Variants in AGO1 observed in about 807,000 individuals in gnomAD.
AGO1 encodes argonaute RISC component 1.
AGO1 carries 11 observed loss-of-function variants against 109.2 expected under a neutral mutation model. The observed-to-expected ratio is 0.10, with a 90% CI of 0.06 to 0.17. The LOEUF (loss-of-function observed/expected upper bound fraction) is 0.17, where lower values mean the gene tolerates loss of function less well. AGO1 is among the 10% of genes least tolerant of loss of function. The probability of loss-of-function intolerance (pLI) is 1.00; values close to 1 mark genes in which losing one functional copy is unlikely to be tolerated. For synonymous variants in AGO1, 422 were observed against 418.6 expected (o/e 1.01, Z -0.10); for missense variants, 574 against 1,140.3 (o/e 0.50, Z 7.15).
Position 35,893,385 on chromosome 1 carries a change from A to AT in AGO1, c.512+109dup. On this transcript the variant is annotated intron_variant, in intron 4 of 18. Transcript: ENST00000373204. The surrounding 1 kb of genome is among the most constrained non-coding windows in gnomAD (Gnocchi z 5.6). ...CCACAGAGTGCCATTAAAAAAAAAA[A>AT]TTATTTGAAGCCCTACCACTTGCCA... The AT allele has an allele frequency of 8.0e-7, 1 of 1,244,728 alleles. No individual in the cohort carries two copies. The highest frequency in any genetic ancestry group is 1.1e-6 in the Non-Finnish European group (1 of 904,326). 77.1% of individuals were successfully genotyped at this position (1,244,728 alleles called of 1,614,324 possible).
intron 1 of AGO1, among the ~76,000 whole-genome samples, chr1:35,885,151 A>G (rs1645100487): frequency 6.6e-6 from 1 of 152,122 alleles, no homozygotes; most frequent in African/African-American, 2.4e-5. Flanking sequence ...TGACTTGAGT[A>G]CTTCCTCTCT....
rs1221657797 is a variant in AGO1, at chr1:35,901,219, C to T, written c.1021-255C>T. ...CTCCTGACCTCAAGTGATCTGGCCG[C>T]CTTGGCCTCCTAAGGTGCTGGGATT... On this transcript the variant is annotated intron_variant, in intron 8 of 18. Transcript: ENST00000373204. The surrounding 1 kb of genome is among the most constrained non-coding windows in gnomAD (Gnocchi z 4.8). Among the ~76,000 whole-genome samples, 1 of 152,162 alleles carries T rather than the reference C, an allele frequency of 6.6e-6. No individual in the cohort carries two copies. Among genetic ancestry groups the T allele is most frequent in the African/African-American group, 2.4e-5 (1 of 41,456 alleles).
At chr1:35,877,373 G>GCTTA (rs1645000990) in intron 1 of AGO1, among the ~76,000 whole-genome samples, 3 of 152,120 alleles carry the variant, frequency 2.0e-5, no homozygotes, top group Admixed American at 1.3e-4. Flanking sequence ...TGTTAATGCT[G>GCTTA]CTTAGTACAC....
At position 35,915,337 on chromosome 1, in the gene AGO1, C is replaced by CT. The variant is rs1444264006; in HGVS notation, c.1834-10dup. 6.2e-7 allele frequency: 1 copy of CT among 1,609,176 alleles called. No individual in the cohort carries two copies. Among genetic ancestry groups the CT allele is most frequent in the Non-Finnish European group, 8.5e-7 (1 of 1,175,778 alleles). On this transcript the variant is annotated splice_polypyrimidine_tract_variant and intron_variant, in intron 14 of 18. Transcript: ENST00000373204. ...GGTTCTAGGAGCTAATCCTTTCTCT[C>CT]TGACTGTCAGGTGGTAGGCAGTATG...
chr1:35,918,028 C>G (rs909332143), intron 16 of AGO1, among the ~76,000 whole-genome samples: 1 of 152,212 alleles, frequency 6.6e-6, no homozygotes, highest in Non-Finnish European at 1.5e-5. Context: ...CTCCTATGTG[C>G]CAGATACTGT....
chr1:35,881,260 C>T (rs1006749341), upstream of AGO1, among the ~76,000 whole-genome samples: 10 of 152,140 alleles, frequency 6.6e-5, no homozygotes, highest in African/African-American at 2.4e-4. Context: ...TGGGTCCCAC[C>T]CAACACCTAC....
At chr1:35,876,742 T>C (rs1393853395) in intron 1 of AGO1, among the ~76,000 whole-genome samples, 1 of 152,238 alleles carries the variant, frequency 6.6e-6, no homozygotes, top group African/African-American at 2.4e-5. Context: ...AGGGAAGTTC[T>C]ACTGTGGGTA....
At chr1:35,918,451 A>G (rs756386940) in intron 17 of AGO1, 28 bp downstream of exon 17, 32 of 1,550,458 alleles carry the variant, frequency 2.1e-5, no homozygotes, top group Middle Eastern at 1.7e-4. Flanking sequence ...TGTGGTTCCA[A>G]TGGGTCAAAG....
At chr1:35,883,191 C>T (rs1361543686), upstream of AGO1, 1 of 1,167,846 alleles carries the variant, frequency 8.6e-7, no homozygotes, top group East Asian at 4.2e-5. The surrounding 1 kb of genome is among the most constrained non-coding windows in gnomAD (Gnocchi z 5.4). Context: ...CCCCTGGGCC[C>T]GGCGGTCGCG....
chr1:35,874,456 C>A (rs1644977760), intron 1 of AGO1, among the ~76,000 whole-genome samples: 1 of 152,230 alleles, frequency 6.6e-6, no homozygotes, highest in Non-Finnish European at 1.5e-5. Context: ...GGATTATGGG[C>A]ATGAGCCAAC....
chr1:35,910,080 A>G (rs1645605685), intron 12 of AGO1, among the ~76,000 whole-genome samples: 1 of 149,660 alleles, frequency 6.7e-6, no homozygotes, highest in Non-Finnish European at 1.5e-5. Flanking sequence ...TTCCTTGATT[A>G]TACCACCTGG....
chr1:35,885,850 G>T lies in AGO1; in HGVS notation c.25+2404G>T, dbSNP rs561774213. ...ATTAAATCAAATCACATTCAAGTGT[G>T]AACATAAATGGTTAAGCACGTATGT... On this transcript the variant is annotated intron_variant, in intron 1 of 18. Coordinates refer to ENST00000373204, the MANE Select transcript of AGO1 (RefSeq NM_012199.5). 8.5e-4 allele frequency among the ~76,000 whole-genome samples: 130 copies of T among 152,358 alleles called. 1 individual carries two copies. The highest frequency in any genetic ancestry group is 3.1e-3 in the African/African-American group (128 of 41,584).
intron 2 of AGO1, among the ~76,000 whole-genome samples, chr1:35,890,269 C>T (rs1291004250): frequency 1.3e-5 from 2 of 151,950 alleles, no homozygotes; most frequent in African/African-American, 2.4e-5. Flanking sequence ...GCAGTCTGCC[C>T]GCCTCAGCCT....
chr1:35,884,621 A>G (rs1024278099), intron 1 of AGO1, among the ~76,000 whole-genome samples: 2 of 152,122 alleles, frequency 1.3e-5, no homozygotes, highest in African/African-American at 4.8e-5. Flanking sequence ...TAGAGCCAAG[A>G]TCTAAACCCT....
At chr1:35,892,798 G>A (rs1428356588) in intron 3 of AGO1, 121 bp downstream of exon 3, 15 of 1,407,402 alleles carry the variant, frequency 1.1e-5, no homozygotes, top group Non-Finnish European at 1.4e-5. Context: ...TATGTTTTAG[G>A]GTGAGGGGTG....
chr1:35,902,145 TCCCCTAC>T, intron 10 of AGO1, 52 bp from the exon 11 acceptor site: 1 of 1,589,012 alleles, frequency 6.3e-7, no homozygotes, highest in South Asian at 1.1e-5. Flanking sequence ...GGGCTTTTGC[TCCCCTAC>T]CCACCTGACT....
chr1:35,891,987 C>T (rs1278079357), intron 2 of AGO1, among the ~76,000 whole-genome samples: 1 of 152,168 alleles, frequency 6.6e-6, no homozygotes, highest in African/African-American at 2.4e-5. Context: ...AGGTGATCCT[C>T]CTGCCTCAGC....
At chr1:35,871,027 T>C (rs1028983136) in intron 1 of AGO1, among the ~76,000 whole-genome samples, 18 of 152,200 alleles carry the variant, frequency 1.2e-4, no homozygotes, top group Admixed American at 1.1e-3. Flanking sequence ...TTACAAACAG[T>C]GCTGCTAAGA....
At chr1:35,898,477 C>T (rs150242181) in intron 8 of AGO1, among the ~76,000 whole-genome samples, 6,012 of 152,144 alleles carry the variant, frequency 0.04, 162 homozygotes, top group Non-Finnish European at 0.055. Flanking sequence ...AGAATGGTCT[C>T]GATCTCCTGA....
Sources: allele counts gnomAD v4.1 joint callset (sites outside exome capture counted in the v4.1 genomes callset), GRCh38; gene constraint gnomAD v4.1.1; non-coding constraint Gnocchi (gnomAD v3.1); transcripts MANE v1.5; gene names NCBI Gene and HGNC (gene_info 2026-07-23, HGNC 2026-07-21).